Variants in PHF20 observed in about 807,000 individuals in gnomAD.
PHF20 encodes the protein PHD finger protein 20, also known as glioma-expressed antigen 2.
A neutral mutation model predicts 113.5 loss-of-function variants in PHF20; 23 were observed. The ratio of observed to expected loss-of-function variants is 0.20; its 90% CI spans 0.15 to 0.29. The LOEUF (loss-of-function observed/expected upper bound fraction) is 0.29. Among genes scored for constraint, PHF20 ranks in the 10% least tolerant of loss-of-function variants. The probability of loss-of-function intolerance (pLI) is 1.00; values close to 1 mark genes in which losing one functional copy is unlikely to be tolerated. For synonymous variants in PHF20, 434 were observed against 457.3 expected, an observed-to-expected ratio of 0.95 and a Z score of 0.65; for missense variants, 943 against 1,219.6, an observed-to-expected ratio of 0.77 and a Z score of 3.38.
Position 35,885,467 on chromosome 20 carries a change from C to CTTTTTTTTTTTTT in PHF20, c.1282+13659_1282+13671dup, listed in dbSNP as rs577878410. 1.4e-3 allele frequency among the ~76,000 whole-genome samples: 51 copies of CTTTTTTTTTTTTT among 35,720 alleles called. 2 individuals carry two copies. Among genetic ancestry groups the CTTTTTTTTTTTTT allele is most frequent in the African/African-American group, 4.4e-3 (41 of 9,224 alleles). 23.4% of individuals were successfully genotyped at this position (35,720 alleles called of 152,430 possible). ...CTGGAGTGGGGGACAGGGGAATAAG[C>CTTTTTTTTTTTTT]TTTTTTTTTTTTTTTTTTTTTTTTT... On this transcript the variant is annotated intron_variant, in intron 9 of 17. Coordinates refer to ENST00000374012, the MANE Select transcript of PHF20 (RefSeq NM_016436.5).
chr20:35,796,773 A>T (rs1354352291), intron 1 of PHF20, among the ~76,000 whole-genome samples: 1 of 152,188 alleles, frequency 6.6e-6, no homozygotes, highest in Non-Finnish European at 1.5e-5. Context: ...ACCTTTGAGA[A>T]GTACTTTGTC....
At chr20:35,778,818 TG>T (rs1351600799) in intron 1 of PHF20, among the ~76,000 whole-genome samples, 1 of 152,164 alleles carries the variant, frequency 6.6e-6, no homozygotes, top group East Asian at 1.9e-4. Flanking sequence ...TGCTAGATCT[TG>T]GGCTAGGTCC....
intron 2 of PHF20, chr20:35,838,302 A>T (rs2042476562): frequency 1.3e-5 from 2 of 152,218 alleles, no homozygotes; most frequent in Non-Finnish European, 2.9e-5. Flanking sequence ...CAGCATTCAA[A>T]ATGTCCAAAA....
chr20:35,843,002 G>A (rs1472663333), intron 3 of PHF20, among the ~76,000 whole-genome samples: 1 of 151,970 alleles, frequency 6.6e-6, no homozygotes, highest in Non-Finnish European at 1.5e-5. Context: ...TCCACCTCTC[G>A]GGTTCAAGCG....
At chr20:35,864,737 C>A (rs1430732950) in intron 6 of PHF20, among the ~76,000 whole-genome samples, 1 of 152,032 alleles carries the variant, frequency 6.6e-6, no homozygotes, top group South Asian at 2.1e-4. Context: ...GTCTGTAGGC[C>A]TAAATAGGGC....
At chr20:35,913,904 T>G in intron 11 of PHF20, 129 bp from the exon 12 acceptor site, 1 of 830,740 alleles carries the variant, frequency 1.2e-6, no homozygotes, top group Non-Finnish European at 1.9e-6. Context: ...TCCACACCTC[T>G]TTTTGGTTGA....
At chr20:35,920,087 T>C (rs1203416817) in intron 13 of PHF20, among the ~76,000 whole-genome samples, 1 of 152,214 alleles carries the variant, frequency 6.6e-6, no homozygotes, top group Non-Finnish European at 1.5e-5. Flanking sequence ...GGTACTGAGG[T>C]ATACTAAGAC....
intron 9 of PHF20, among the ~76,000 whole-genome samples, chr20:35,882,629 T>C (rs954387570): frequency 2.6e-5 from 4 of 152,202 alleles, no homozygotes; most frequent in Admixed American, 6.5e-5. Context: ...GGTCTAGATA[T>C]ATTGACCATG....
chr20:35,933,406 T>A (rs2055801842), intron 15 of PHF20, among the ~76,000 whole-genome samples: 1 of 151,664 alleles, frequency 6.6e-6, no homozygotes, highest in Admixed American at 6.6e-5. Flanking sequence ...ATAATTTTTT[T>A]TTTTTTTTGA....
intron 2 of PHF20, among the ~76,000 whole-genome samples, chr20:35,822,906 C>G (rs2042194909): frequency 6.6e-6 from 1 of 151,064 alleles, no homozygotes; most frequent in African/African-American, 2.4e-5. Context: ...CCTGTGTTCT[C>G]CCTCCAGCCT....
intron 14 of PHF20, among the ~76,000 whole-genome samples, chr20:35,928,334 G>A (rs969797604): frequency 1.8e-4 from 27 of 151,482 alleles, no homozygotes; most frequent in Non-Finnish European, 2.9e-5. Context: ...AGCTACTTGG[G>A]AGGCTGAGGC....
intron 9 of PHF20, among the ~76,000 whole-genome samples, chr20:35,883,229 CA>C (rs957484742): frequency 7.2e-4 from 110 of 152,000 alleles, no homozygotes; most frequent in African/African-American, 2.5e-3. Context: ...AAAACAAAAA[CA>C]AAAACAATTA....
intron 1 of PHF20, among the ~76,000 whole-genome samples, chr20:35,789,346 G>A (rs545240902): frequency 7.9e-5 from 12 of 151,020 alleles, no homozygotes; most frequent in East Asian, 2.0e-4. Context: ...CAGGAGAGTC[G>A]CTTGAATCTG....
chr20:35,920,162 A>G (rs575740372), intron 13 of PHF20, among the ~76,000 whole-genome samples: 1 of 152,272 alleles, frequency 6.6e-6, no homozygotes, highest in Admixed American at 6.5e-5. Context: ...GGAAACACTA[A>G]ACTGTTTCAA....
intron 4 of PHF20, chr20:35,849,517 T>A (rs1357291689): frequency 4.2e-6 from 2 of 470,816 alleles, no homozygotes; most frequent in South Asian, 3.1e-5. Flanking sequence ...TTTGTGTTTG[T>A]GTGTGGGATG....
chr20:35,937,122 T>G (rs543137867), intron 15 of PHF20, among the ~76,000 whole-genome samples: 3 of 152,132 alleles, frequency 2.0e-5, no homozygotes, highest in Non-Finnish European at 2.9e-5. Context: ...ATTTTCTGAT[T>G]GGCAATTGGT....
intron 12 of PHF20, among the ~76,000 whole-genome samples, chr20:35,915,456 G>C (rs1358438189): frequency 5.3e-5 from 8 of 151,800 alleles, no homozygotes. Context: ...GCGCGATCTT[G>C]GCTCACTGCA....
At chr20:35,885,484 T>A (rs1600875478) in intron 9 of PHF20, among the ~76,000 whole-genome samples, 3 of 121,048 alleles carry the variant, frequency 2.5e-5, no homozygotes, top group Non-Finnish European at 5.3e-5. Context: ...TTTTTTTTTT[T>A]TTTTTTTTTT....
At chr20:35,793,190 AT>A (rs1446763443) in intron 1 of PHF20, among the ~76,000 whole-genome samples, 1 of 151,894 alleles carries the variant, frequency 6.6e-6, no homozygotes, top group East Asian at 1.9e-4. Context: ...TCTGCCGGAG[AT>A]TCTTTGCCTG....
Sources: gnomAD v4.1 joint callset for allele counts (sites outside exome capture counted in the v4.1 genomes callset) on GRCh38, gnomAD v4.1.1 for gene constraint, MANE v1.5 for transcripts, NCBI Gene and HGNC (gene_info 2026-07-23, HGNC 2026-07-21) for gene names.